LYN: variants seen among roughly 807,000 people sequenced by gnomAD.
LYN encodes the protein tyrosine-protein kinase Lyn.
A neutral mutation model predicts 65.0 loss-of-function variants in LYN; 12 were observed. The observed-to-expected ratio is 0.18, with a 90% CI of 0.12 to 0.30. The LOEUF (loss-of-function observed/expected upper bound fraction) is 0.30, where lower values mean the gene tolerates loss of function less well. Ranked by LOEUF, LYN falls within the 10% of genes least tolerant of loss-of-function variation. The probability of loss-of-function intolerance (pLI) is 1.00; values close to 1 mark genes in which losing one functional copy is unlikely to be tolerated. For missense variants in LYN, 380 were observed against 623.2 expected, an observed-to-expected ratio of 0.61 and a Z score of 4.16; for synonymous variants, 222 against 221.2, an observed-to-expected ratio of 1.00 and a Z score of -0.03.
intron 10 of LYN, among the ~76,000 whole-genome samples, chr8:55,970,734 A>G (rs1488692752): frequency 6.6e-6 from 1 of 152,026 alleles, no homozygotes; most frequent in Non-Finnish European, 1.5e-5. Context: ...GGCTGGACAC[A>G]GGTTCTGTAA....
At chr8:55,950,865 A>G in intron 6 of LYN, 81 bp downstream of exon 6, 4 of 978,976 alleles carry the variant, frequency 4.1e-6, no homozygotes, top group South Asian at 1.4e-5. Flanking sequence ...ACTCAAGGGG[A>G]AAAAAGGGCA....
chr8:55,943,839 T>C (rs2130478828), intron 2 of LYN, among the ~76,000 whole-genome samples: 1 of 152,040 alleles, frequency 6.6e-6, no homozygotes, highest in East Asian at 1.9e-4. Context: ...TCCCAGCACT[T>C]TGGGAGGCCG....
At position 56,010,653 on chromosome 8, in the gene LYN, A is replaced by G. The variant is rs111342382; in HGVS notation, c.*543A>G. 6.4e-3 allele frequency: 1,491 copies of G among 232,914 alleles called. 25 individuals carry two copies. The highest frequency in any genetic ancestry group is 0.031 in the African/African-American group (1,397 of 45,108). 14.4% of individuals were successfully genotyped at this position (232,914 alleles called of 1,614,324 possible). On this transcript the variant is annotated 3_prime_UTR_variant, in exon 13 of 13. Transcript: ENST00000519728. ...TTAAAAATGTCTTTCCCAGATTTCAATGATTTTTTTCCCCCTACCTCCCAA... is the reference window on the plus strand; with the variant it reads ...TTAAAAATGTCTTTCCCAGATTTCAGTGATTTTTTTCCCCCTACCTCCCAA...
At chr8:55,995,263 G>A (rs1362356573) in intron 10 of LYN, among the ~76,000 whole-genome samples, 1 of 152,118 alleles carries the variant, frequency 6.6e-6, no homozygotes, top group African/African-American at 2.4e-5. Context: ...TATCACCACT[G>A]CCCACCTTCT....
intron 3 of LYN, among the ~76,000 whole-genome samples, chr8:55,946,748 G>T (rs1044356345): frequency 2.6e-5 from 4 of 151,946 alleles, no homozygotes; most frequent in East Asian, 1.9e-4. Flanking sequence ...AGTCCCCATT[G>T]CCTCCTCCCC....
chr8:55,938,573 G>C (rs769428114), intron 1 of LYN, among the ~76,000 whole-genome samples: 1 of 152,152 alleles, frequency 6.6e-6, no homozygotes, highest in African/African-American at 2.4e-5. Flanking sequence ...CAGCAGACCT[G>C]TTCCCTACAA....
intron 1 of LYN, among the ~76,000 whole-genome samples, chr8:55,922,021 C>T (rs1055631117): frequency 1.2e-4 from 18 of 152,088 alleles, no homozygotes; most frequent in African/African-American, 3.9e-4. Flanking sequence ...TACATTCTTC[C>T]GTGGGTGCTG....
chr8:55,892,317 G>A (rs570252809), intron 1 of LYN, among the ~76,000 whole-genome samples: 24 of 152,316 alleles, frequency 1.6e-4, no homozygotes, highest in African/African-American at 5.3e-4. Context: ...CTACTTGGGA[G>A]GCTGAGGCAG....
At chr8:55,925,370 C>T (rs759998312) in intron 1 of LYN, among the ~76,000 whole-genome samples, 8 of 152,280 alleles carry the variant, frequency 5.3e-5, no homozygotes, top group South Asian at 4.1e-4. Flanking sequence ...GCAGTCCTCC[C>T]GCCTCACCTC....
intron 1 of LYN, among the ~76,000 whole-genome samples, chr8:55,925,884 C>T (rs1284618958): frequency 6.6e-6 from 1 of 152,166 alleles, no homozygotes; most frequent in Non-Finnish European, 1.5e-5. Flanking sequence ...AAAACCAACT[C>T]ACCACAGAAG....
rs187260339 is a variant in LYN at position 56,013,490 on chromosome 8, C to T, written c.*3380C>T. 1.6e-3 allele frequency: 238 copies of T among 152,402 alleles called. No homozygotes were observed. The highest frequency in any genetic ancestry group is 2.8e-3 in the Non-Finnish European group (191 of 68,158). 9.4% of individuals were successfully genotyped at this position (152,402 alleles called of 1,614,324 possible). On this transcript the variant is annotated 3_prime_UTR_variant, in exon 13 of 13. Transcript: ENST00000519728. ...TTCACCATGTTAGCCAGGCTGGTCT[C>T]GAACTCCTGACCTCAGGCGATCCGC...
intron 10 of LYN, among the ~76,000 whole-genome samples, chr8:55,985,553 C>T (rs565453609): frequency 1.5e-4 from 23 of 152,330 alleles, no homozygotes; most frequent in Admixed American, 4.6e-4. Flanking sequence ...GGAGCCCAGG[C>T]GCTGTCTTTA....
chr8:55,913,324 A>G (rs772161961), intron 1 of LYN, among the ~76,000 whole-genome samples: 1 of 152,246 alleles, frequency 6.6e-6, no homozygotes, highest in Non-Finnish European at 1.5e-5. Flanking sequence ...TCAAGTGAGT[A>G]TAAGAATTAC....
intron 1 of LYN, among the ~76,000 whole-genome samples, chr8:55,914,879 T>TTCAAACAAATGTA (rs1805741135): frequency 6.6e-6 from 1 of 152,140 alleles, no homozygotes; most frequent in Admixed American, 6.6e-5. Flanking sequence ...GCAATGCTAA[T>TTCAAACAAATGTA]GATGTGTTTC....
intron 9 of LYN, among the ~76,000 whole-genome samples, chr8:55,967,125 G>C (rs1293403185): frequency 6.6e-6 from 1 of 150,674 alleles, no homozygotes; most frequent in Non-Finnish European, 1.5e-5. Flanking sequence ...CTGCCTGCGT[G>C]TACCTATTGC....
At chr8:55,884,856 TCCC>T in intron 1 of LYN, among the ~76,000 whole-genome samples, 1 of 152,226 alleles carries the variant, frequency 6.6e-6, no homozygotes, top group East Asian at 1.9e-4. Context: ...TTGTTGTTTA[TCCC>T]CTTCATCCTG....
chr8:55,955,518 T>C (rs1252548244), intron 8 of LYN, among the ~76,000 whole-genome samples: 1 of 152,224 alleles, frequency 6.6e-6, no homozygotes, highest in Non-Finnish European at 1.5e-5. Flanking sequence ...GTGCTCTTTT[T>C]TTAATTAACA....
At chr8:56,007,898 G>A (rs959047997) in intron 12 of LYN, among the ~76,000 whole-genome samples, 3 of 151,940 alleles carry the variant, frequency 2.0e-5, no homozygotes, top group Non-Finnish European at 2.9e-5. Context: ...ACAGGCAGAC[G>A]ACTTCAGGTC....
chr8:55,911,078 CATACATAT>C (rs1805589957), intron 1 of LYN, among the ~76,000 whole-genome samples: 2 of 5,704 alleles, frequency 3.5e-4, no homozygotes, highest in African/African-American at 1.6e-3. Flanking sequence ...TATATATATA[CATACATAT>C]ATATATATAT....
Sources: allele counts gnomAD v4.1 joint callset (sites outside exome capture counted in the v4.1 genomes callset), GRCh38; gene constraint gnomAD v4.1.1; transcripts MANE v1.5; gene names NCBI Gene and HGNC (gene_info 2026-07-23, HGNC 2026-07-21).